UBAP2L: variants seen among roughly 807,000 people sequenced by gnomAD.
The protein encoded by UBAP2L is ubiquitin-associated protein 2-like.
In UBAP2L, 12 loss-of-function variants were observed where a neutral mutation model predicts 130.6. The observed-to-expected ratio is 0.09, with a 90% CI of 0.06 to 0.15. The LOEUF is 0.15. UBAP2L is among the 10% of genes least tolerant of loss of function. The pLI is 1.00. For missense variants in UBAP2L, 965 were observed against 1,332.5 expected, an observed-to-expected ratio of 0.72 and a Z score of 4.29; for synonymous variants, 503 against 524.7, an observed-to-expected ratio of 0.96 and a Z score of 0.57.
chr1:154,234,855 T>A, intron 5 of UBAP2L, 96 bp downstream of exon 5: 1 of 1,495,612 alleles, frequency 6.7e-7, no homozygotes, highest in Non-Finnish European at 9.1e-7. Flanking sequence ...TAGGAACCAT[T>A]ATATTATCCT....
chr1:154,241,308 G>A (rs1029392981), intron 8 of UBAP2L, among the ~76,000 whole-genome samples: 12 of 152,066 alleles, frequency 7.9e-5, no homozygotes, highest in African/African-American at 2.4e-4. Flanking sequence ...GGCTGGTCTC[G>A]AACTCCCGAC....
chr1:154,245,161 A>G (rs1674987076), intron 10 of UBAP2L, among the ~76,000 whole-genome samples: 1 of 152,112 alleles, frequency 6.6e-6, no homozygotes, highest in South Asian at 2.1e-4. Context: ...CCTGACTTCA[A>G]GTATCCGCCT....
chr1:154,261,211 G>A, intron 23 of UBAP2L, 102 bp downstream of exon 23: 6 of 1,329,362 alleles, frequency 4.5e-6, no homozygotes, highest in South Asian at 1.5e-5. Flanking sequence ...TGGATGAGGA[G>A]GAACAGTTTC....
At chr1:154,220,446 C>T (rs1558094119), upstream of UBAP2L, 3 of 1,613,038 alleles carry the variant, frequency 1.9e-6, no homozygotes, top group South Asian at 3.3e-5. Flanking sequence ...GGGTTTACCC[C>T]GCTGTCCTGG....
chr1:154,252,226 C>T (rs915948288), intron 14 of UBAP2L, among the ~76,000 whole-genome samples: 24 of 150,694 alleles, frequency 1.6e-4, no homozygotes, highest in African/African-American at 5.9e-4. Context: ...CTACCCACCT[C>T]GGCCTCCCAA....
chr1:154,255,776 G>A, intron 18 of UBAP2L, 21 bp downstream of exon 18: 1 of 1,613,014 alleles, frequency 6.2e-7, no homozygotes. Context: ...TGCTGAGAGG[G>A]ATGTGTGGTT....
At chr1:154,227,014 GGT>G (rs1240339598) in intron 2 of UBAP2L, among the ~76,000 whole-genome samples, 2 of 152,132 alleles carry the variant, frequency 1.3e-5, no homozygotes, top group African/African-American at 2.4e-5. Context: ...GTAGAGACGG[GGT>G]TTTGCCATGT....
At chr1:154,256,981 C>A in intron 18 of UBAP2L, 82 bp from the exon 19 acceptor site, 1 of 1,475,036 alleles carries the variant, frequency 6.8e-7, no homozygotes, top group Non-Finnish European at 9.2e-7. Flanking sequence ...ATATATTCAG[C>A]AGGAGGGATT....
At chr1:154,228,132 G>T (rs997744215) in intron 3 of UBAP2L, among the ~76,000 whole-genome samples, 1 of 151,692 alleles carries the variant, frequency 6.6e-6, no homozygotes, top group South Asian at 2.1e-4. Flanking sequence ...GGTTGGGGGG[G>T]TGGTTCTGGA....
chr1:154,234,782 A>G (rs1671061572), intron 5 of UBAP2L, 23 bp downstream of exon 5: 1 of 1,564,972 alleles, frequency 6.4e-7, no homozygotes. Flanking sequence ...CTTTATCAAA[A>G]CCAGCTGTGG....
chr1:154,224,452 TACCC>T (rs1008439787), intron 1 of UBAP2L, among the ~76,000 whole-genome samples: 45 of 152,240 alleles, frequency 3.0e-4, no homozygotes, highest in African/African-American at 1.1e-3. Flanking sequence ...GGCTAATACG[TACCC>T]TGTTGAAGGC....
At chr1:154,265,096 T>G (rs1407589568) in intron 24 of UBAP2L, among the ~76,000 whole-genome samples, 1 of 152,204 alleles carries the variant, frequency 6.6e-6, no homozygotes, top group African/African-American at 2.4e-5. Flanking sequence ...TTTTCTGTAG[T>G]TCCGTTATTT....
At chr1:154,222,906 T>C (rs1351308758) in intron 1 of UBAP2L, among the ~76,000 whole-genome samples, 1 of 152,230 alleles carries the variant, frequency 6.6e-6, no homozygotes, top group Non-Finnish European at 1.5e-5. Flanking sequence ...AAACCTCTGT[T>C]TACTCTCGCA....
intron 8 of UBAP2L, among the ~76,000 whole-genome samples, chr1:154,237,437 G>T (rs868222174): frequency 6.6e-6 from 1 of 152,190 alleles, no homozygotes; most frequent in African/African-American, 2.4e-5. Context: ...TTTGAACTCA[G>T]CATTGTTTGA....
intron 10 of UBAP2L, among the ~76,000 whole-genome samples, chr1:154,244,390 A>G (rs1323844534): frequency 6.6e-6 from 1 of 151,942 alleles, no homozygotes; most frequent in Non-Finnish European, 1.5e-5. Flanking sequence ...TTTGTTTTTG[A>G]GACGAGACGG....
rs780463869 is a variant in UBAP2L, at chr1:154,243,239, C to T, written c.779C>T (p.Thr260Ile). The T allele has an allele frequency of 6.2e-7, 1 of 1,611,808 alleles. No homozygotes were observed. Among genetic ancestry groups the T allele is most frequent in the South Asian group, 1.1e-5 (1 of 91,064 alleles). ...NEDLSETKIF[T>I]ASNVSSVPLP... is the part of the protein sequence containing the mutation. ...CAGCTTTCTGAGACCAAGATCTTCA[C>T]TGCCTCTAATGTGTCTTCAGTGCCT... is the stretch of plus-strand genomic sequence containing the variant. Residue 260 changes from threonine (T) to isoleucine (I), a missense_variant, in exon 10 of 27, where the codon ACT becomes ATT. Coordinates refer to ENST00000428931, the MANE Select transcript of UBAP2L (RefSeq NM_014847.4).
At position 154,260,930 on chromosome 1, in the gene UBAP2L, C is replaced by G; in HGVS notation, c.2617C>G (p.Pro873Ala). The change falls in exon 23 of 27, where the codon CCA becomes GCA. Residue 873 changes from proline to alanine, a missense_variant. Coordinates refer to ENST00000428931, the MANE Select transcript of UBAP2L (RefSeq NM_014847.4). ...TKFGRGDASS[P>A]APATTLAQPQ... ...GTTCGGCCGTGGGGATGCCTCCTCCCCAGCCCCGGCCACAACCTTGGCCCA... is the reference window on the plus strand; with the variant it reads ...GTTCGGCCGTGGGGATGCCTCCTCCGCAGCCCCGGCCACAACCTTGGCCCA... 1 of 1,614,240 alleles carries G rather than the reference C, an allele frequency of 6.2e-7. No individual in the cohort carries two copies. Among genetic ancestry groups the G allele is most frequent in the Non-Finnish European group, 8.5e-7 (1 of 1,180,040 alleles).
chr1:154,246,516 G>A (rs1675533483), intron 11 of UBAP2L, 141 bp downstream of exon 11: 4 of 907,472 alleles, frequency 4.4e-6, no homozygotes, highest in South Asian at 1.9e-5. Context: ...TTGTAGAAAT[G>A]TTTGAGTTGG....
chr1:154,250,979 A>G (rs1378675883), intron 12 of UBAP2L, 62 bp from the exon 13 acceptor site: 7 of 1,538,666 alleles, frequency 4.5e-6, no homozygotes, highest in Admixed American at 3.7e-5. Context: ...AGTGCAGGAC[A>G]ATAGCATTTC....
Sources: allele counts gnomAD v4.1 joint callset (sites outside exome capture counted in the v4.1 genomes callset), GRCh38; gene constraint gnomAD v4.1.1; transcripts MANE v1.5; gene names NCBI Gene and HGNC (gene_info 2026-07-23, HGNC 2026-07-21).